CYP4X1: variants seen among roughly 807,000 people sequenced by gnomAD.
CYP4X1 encodes cytochrome P450 family 4 subfamily X member 1, also known as cytochrome P450 4X1.
Under a neutral mutation model 57.9 loss-of-function variants are expected in CYP4X1, and 44 were observed. That is an observed-to-expected ratio of 0.76 (90% CI 0.60 to 0.98). The LOEUF (loss-of-function observed/expected upper bound fraction) is 0.98, where lower values mean the gene tolerates loss of function less well. CYP4X1 is among the 50% of genes least tolerant of loss of function. The probability of loss-of-function intolerance (pLI) is 0.00; values close to 1 mark genes in which losing one functional copy is unlikely to be tolerated. For synonymous variants in CYP4X1, 227 were observed against 228.6 expected, an observed-to-expected ratio of 0.99 and a Z score of 0.06; for missense variants, 532 against 623.9, an observed-to-expected ratio of 0.85 and a Z score of 1.57.
the CYP4X1 span, chr1:46,961,736 A>G: frequency 7.6e-7 from 1 of 1,310,680 alleles, no homozygotes; most frequent in Non-Finnish European, 1.0e-6. Context: ...AATATGTATG[A>G]CTTCTTCCTC....
chr1:47,034,177 T>TATTC (rs1198297492), intron 4 of CYP4X1, among the ~76,000 whole-genome samples: 2 of 151,952 alleles, frequency 1.3e-5, no homozygotes, highest in Admixed American at 1.3e-4. Flanking sequence ...CGAGGCAGAG[T>TATTC]GAGGGAGCAT....
the CYP4X1 span, among the ~76,000 whole-genome samples, chr1:46,982,386 T>C: frequency 6.6e-6 from 1 of 152,244 alleles, no homozygotes; most frequent in African/African-American, 2.4e-5. Flanking sequence ...CATTTCTTTC[T>C]AGTTAAGAAC....
intron 6 of CYP4X1, among the ~76,000 whole-genome samples, chr1:47,037,057 C>T (rs370180902): frequency 1.2e-3 from 182 of 152,174 alleles, no homozygotes; most frequent in African/African-American, 4.1e-3. Flanking sequence ...AGCAGCAGTT[C>T]CCAAGTCTTT....
the CYP4X1 span, among the ~76,000 whole-genome samples, chr1:46,963,944 T>C: frequency 6.6e-6 from 1 of 152,228 alleles, no homozygotes; most frequent in African/African-American, 2.4e-5. Flanking sequence ...TGTTCATTTC[T>C]TTTTATTCTT....
chr1:46,993,657 T>G, the CYP4X1 span, among the ~76,000 whole-genome samples: 1 of 152,252 alleles, frequency 6.6e-6, no homozygotes, highest in Non-Finnish European at 1.5e-5. Flanking sequence ...TCATTGCGGT[T>G]TTGATTTGCA....
chr1:47,044,228 T>A (rs1644276606), intron 8 of CYP4X1, among the ~76,000 whole-genome samples: 1 of 152,192 alleles, frequency 6.6e-6, no homozygotes, highest in Non-Finnish European at 1.5e-5. Flanking sequence ...TGTACTTTGA[T>A]TTTTACTTTT....
chr1:47,039,123 T>C (rs1393667), intron 7 of CYP4X1, among the ~76,000 whole-genome samples: 63,830 of 151,890 alleles, frequency 0.42, 14,791 homozygotes, highest in East Asian at 0.97. Context: ...GCCTGTTGAT[T>C]GAGGGCCCTT....
At chr1:46,992,667 C>T in the CYP4X1 span, among the ~76,000 whole-genome samples, 1 of 152,192 alleles carries the variant, frequency 6.6e-6, no homozygotes, top group East Asian at 1.9e-4. Flanking sequence ...CACTTGAGTT[C>T]TTTCAATCTT....
upstream of CYP4X1, among the ~76,000 whole-genome samples, chr1:47,023,400 G>C (rs538579453): frequency 1.3e-5 from 2 of 152,246 alleles, no homozygotes; most frequent in East Asian, 3.9e-4. Flanking sequence ...CTACCACCTG[G>C]GAATTTTGGT....
the CYP4X1 span, among the ~76,000 whole-genome samples, chr1:47,017,698 G>A: frequency 6.6e-6 from 1 of 152,098 alleles, no homozygotes; most frequent in Non-Finnish European, 1.5e-5. Context: ...CTTTGGAGAG[G>A]CTAATCAGAA....
At chr1:46,983,039 G>A in the CYP4X1 span, among the ~76,000 whole-genome samples, 2 of 152,210 alleles carry the variant, frequency 1.3e-5, no homozygotes, top group Admixed American at 1.3e-4. Context: ...AAGCCTGGGG[G>A]CCCTGCCTGG....
At chr1:46,984,730 T>TG in the CYP4X1 span, among the ~76,000 whole-genome samples, 3 of 152,174 alleles carry the variant, frequency 2.0e-5, no homozygotes, top group Admixed American at 6.5e-5. Context: ...GGAGATTCCC[T>TG]GGGGTGCCTA....
chr1:46,963,823 A>G, the CYP4X1 span, among the ~76,000 whole-genome samples: 2 of 152,200 alleles, frequency 1.3e-5, no homozygotes, highest in African/African-American at 4.8e-5. Context: ...CTCCTGGATA[A>G]TATCCTGAAG....
At chr1:46,962,664 C>G in the CYP4X1 span, among the ~76,000 whole-genome samples, 12 of 152,200 alleles carry the variant, frequency 7.9e-5, no homozygotes, top group Admixed American at 2.0e-4. Context: ...GAGTGCTTTA[C>G]TTCCAACTAT....
the CYP4X1 span, among the ~76,000 whole-genome samples, chr1:46,964,878 G>A: frequency 3.3e-3 from 501 of 152,330 alleles, 5 homozygotes; most frequent in African/African-American, 0.011. Flanking sequence ...GAGCTGCAGT[G>A]GGCTTCACCC....
At chr1:47,054,407 T>C (rs200840474), downstream of CYP4X1, among the ~76,000 whole-genome samples, 15,856 of 151,950 alleles carry the variant, frequency 0.1, 880 homozygotes, top group East Asian at 0.22. Context: ...TGAGGGCTCT[T>C]TTTTGGTTCC....
the CYP4X1 span, among the ~76,000 whole-genome samples, chr1:46,988,577 A>AC: frequency 7.2e-5 from 11 of 152,262 alleles, no homozygotes; most frequent in South Asian, 1.9e-3. Context: ...CAGAGACATA[A>AC]CAAAAAAAGA....
rs1644181126 is a variant in CYP4X1, at chr1:47,036,295, G to C, written c.775+124G>C. On this transcript the variant is annotated intron_variant, in intron 6 of 11. Coordinates refer to ENST00000371901, the MANE Select transcript of CYP4X1 (RefSeq NM_178033.2). The stretch of plus-strand genomic sequence containing the variant: ...TTGTTATTAATGGAGCTTTTATATA[G>C]ACACTGCTCCAAAGAAATTTGACTT... 3 of 1,190,288 alleles carry C rather than the reference G, an allele frequency of 2.5e-6. No individual in the cohort carries two copies. In the African/African-American group the frequency reaches 4.7e-5, roughly 18 times the overall value. 73.7% of individuals were successfully genotyped at this position (1,190,288 alleles called of 1,614,324 possible).
chr1:46,994,679 T>C, the CYP4X1 span, among the ~76,000 whole-genome samples: 746 of 152,306 alleles, frequency 4.9e-3, 8 homozygotes, highest in African/African-American at 0.017. Context: ...AGGATCCACC[T>C]GGGGAAATAG....
Sources: gnomAD v4.1 joint callset for allele counts (sites outside exome capture counted in the v4.1 genomes callset) on GRCh38, gnomAD v4.1.1 for gene constraint, MANE v1.5 for transcripts, NCBI Gene and HGNC (gene_info 2026-07-23, HGNC 2026-07-21) for gene names.